MAML2: variants seen among roughly 807,000 people sequenced by gnomAD.
MAML2 encodes mastermind like transcriptional coactivator 2.
In MAML2, 22 loss-of-function variants were observed where a neutral mutation model predicts 96.1. The observed-to-expected ratio is 0.23, with a 90% CI of 0.16 to 0.33. The LOEUF (loss-of-function observed/expected upper bound fraction) is 0.33. Ranked by LOEUF, MAML2 falls within the 10% of genes least tolerant of loss-of-function variation. MAML2 has a pLI of 1.00. For synonymous variants in MAML2, 561 were observed against 521.3 expected (o/e 1.08, Z -1.04); for missense variants, 1,367 against 1,392.4 (o/e 0.98, Z 0.29).
chr11:95,994,571 C>T (rs1423108650), intron 2 of MAML2, among the ~76,000 whole-genome samples: 3 of 151,900 alleles, frequency 2.0e-5, no homozygotes, highest in Non-Finnish European at 4.4e-5. Flanking sequence ...GAGCCTGTGA[C>T]AGGGGGAAAG....
At chr11:96,244,075 C>T (rs1862478771) in intron 1 of MAML2, among the ~76,000 whole-genome samples, 1 of 152,192 alleles carries the variant, frequency 6.6e-6, no homozygotes, top group African/African-American at 2.4e-5. Flanking sequence ...AATCGTGCTG[C>T]TTTTTCCTCT....
chr11:96,285,833 G>C (rs894789540), intron 1 of MAML2, among the ~76,000 whole-genome samples: 2 of 152,186 alleles, frequency 1.3e-5, no homozygotes, highest in Non-Finnish European at 2.9e-5. Flanking sequence ...AACAGATGCT[G>C]GTGAGGTTGC....
At chr11:96,061,788 T>C (rs966647463) in intron 2 of MAML2, among the ~76,000 whole-genome samples, 1 of 152,188 alleles carries the variant, frequency 6.6e-6, no homozygotes, top group African/African-American at 2.4e-5. Context: ...TCTTCCCTTC[T>C]TCTTTTCCTT....
intron 1 of MAML2, among the ~76,000 whole-genome samples, chr11:96,250,158 C>T (rs12184444): frequency 0.063 from 9,547 of 152,190 alleles, 532 homozygotes; most frequent in African/African-American, 0.15. Flanking sequence ...TGGCACACTA[C>T]AGTATTACCT....
At chr11:96,198,691 A>G (rs1307084979) in intron 1 of MAML2, among the ~76,000 whole-genome samples, 1 of 151,996 alleles carries the variant, frequency 6.6e-6, no homozygotes, top group Non-Finnish European at 1.5e-5. Flanking sequence ...GGCTTCCGGG[A>G]AAAGGTGAGA....
intron 1 of MAML2, among the ~76,000 whole-genome samples, chr11:96,264,178 T>C (rs1862792225): frequency 6.6e-6 from 1 of 152,188 alleles, no homozygotes. Context: ...CCTAGCCCAA[T>C]GCAGAGGTTA....
chr11:96,313,923 T>C (rs1467676636), intron 1 of MAML2, among the ~76,000 whole-genome samples: 1 of 152,240 alleles, frequency 6.6e-6, no homozygotes, highest in African/African-American at 2.4e-5. Flanking sequence ...CAGGTGGTTC[T>C]GATGCCAGGT....
chr11:96,214,088 T>C (rs920271301), intron 1 of MAML2, among the ~76,000 whole-genome samples: 17 of 152,182 alleles, frequency 1.1e-4, no homozygotes, highest in African/African-American at 3.4e-4. Context: ...TACACAAATA[T>C]ACATATACAT....
intron 2 of MAML2, among the ~76,000 whole-genome samples, chr11:96,081,206 AAACATT>A (rs1859524212): frequency 6.6e-6 from 1 of 152,100 alleles, no homozygotes; most frequent in South Asian, 2.1e-4. Flanking sequence ...CATCTTCCGA[AAACATT>A]ATACCTATAA....
intron 1 of MAML2, among the ~76,000 whole-genome samples, chr11:96,157,421 G>A (rs1392627924): frequency 5.9e-5 from 9 of 152,248 alleles, no homozygotes; most frequent in Non-Finnish European, 1.2e-4. Flanking sequence ...GGAACAGCGA[G>A]TGCTACAGTA....
At chr11:96,065,177 A>G (rs1455061631) in intron 2 of MAML2, among the ~76,000 whole-genome samples, 1 of 152,226 alleles carries the variant, frequency 6.6e-6, no homozygotes, top group Non-Finnish European at 1.5e-5. Context: ...GCTTAATTAC[A>G]TTTTAAAAAG....
intron 2 of MAML2, among the ~76,000 whole-genome samples, chr11:95,992,877 A>ACT (rs202143429): frequency 6.8e-6 from 1 of 147,750 alleles, no homozygotes; most frequent in Non-Finnish European, 1.5e-5. Flanking sequence ...AAGAAATCCA[A>ACT]CTCTCTCTTT....
At chr11:96,248,112 A>AC (rs1313948773) in intron 1 of MAML2, among the ~76,000 whole-genome samples, 2 of 132,112 alleles carry the variant, frequency 1.5e-5, no homozygotes, top group South Asian at 2.7e-4. Flanking sequence ...CTGTTTTTTT[A>AC]CTTTTTTTTT....
chr11:96,184,236 T>A (rs1289279579), intron 1 of MAML2, among the ~76,000 whole-genome samples: 2 of 151,972 alleles, frequency 1.3e-5, no homozygotes, highest in Admixed American at 6.6e-5. Flanking sequence ...AGGTCAGGAG[T>A]TCGAGACCAG....
chr11:96,244,549 C>T (rs747618996), intron 1 of MAML2, among the ~76,000 whole-genome samples: 1 of 152,096 alleles, frequency 6.6e-6, no homozygotes, highest in Non-Finnish European at 1.5e-5. Flanking sequence ...CCATATATAT[C>T]GATTATTGTT....
intron 2 of MAML2, among the ~76,000 whole-genome samples, chr11:96,031,025 G>T (rs903933293): frequency 6.6e-6 from 1 of 152,158 alleles, no homozygotes; most frequent in African/African-American, 2.4e-5. Context: ...TTAAGAGTTT[G>T]GTTAGGAGTC....
At chr11:96,311,739 G>C (rs1863545187) in intron 1 of MAML2, among the ~76,000 whole-genome samples, 1 of 152,190 alleles carries the variant, frequency 6.6e-6, no homozygotes, top group South Asian at 2.1e-4. Context: ...TGATGGTTAA[G>C]TTTCACTGAG....
At chr11:96,304,742 C>A (rs1863441124) in intron 1 of MAML2, among the ~76,000 whole-genome samples, 1 of 152,162 alleles carries the variant, frequency 6.6e-6, no homozygotes, top group South Asian at 2.1e-4. Flanking sequence ...ACAGAGACAG[C>A]TAACTGCATA....
chr11:96,191,741 C>T (rs944440266), intron 1 of MAML2, among the ~76,000 whole-genome samples: 1 of 147,616 alleles, frequency 6.8e-6, no homozygotes, highest in African/African-American at 2.5e-5. Flanking sequence ...CACTACACTC[C>T]AGCCTGGCAA....
Sources: gnomAD v4.1 joint callset for allele counts (sites outside exome capture counted in the v4.1 genomes callset) on GRCh38, gnomAD v4.1.1 for gene constraint, MANE v1.5 for transcripts, NCBI Gene and HGNC (gene_info 2026-07-23, HGNC 2026-07-21) for gene names.